The following RBPJ variants were observed in gnomAD, a reference collection of about 807,000 sequenced individuals.
The protein encoded by RBPJ is recombining binding protein suppressor of hairless.
In RBPJ, 9 loss-of-function variants were observed where a neutral mutation model predicts 67.8. That is an observed-to-expected ratio of 0.13 (90% confidence interval 0.08 to 0.23). The LOEUF is 0.23. RBPJ is among the 10% of genes least tolerant of loss of function. RBPJ has a pLI of 1.00. For synonymous variants in RBPJ, 198 were observed against 203.3 expected, an observed-to-expected ratio of 0.97 and a Z score of 0.22; for missense variants, 305 against 595.6, an observed-to-expected ratio of 0.51 and a Z score of 5.08.
chr4:26,274,764 C>T (rs116679880), intron 1 of RBPJ, among the ~76,000 whole-genome samples: 1,617 of 152,204 alleles, frequency 0.011, 28 homozygotes, highest in African/African-American at 0.037. Context: ...GGCAAAACCT[C>T]GTCTATCGAA....
At chr4:26,299,412 A>G (rs1721994925) in intron 1 of RBPJ, among the ~76,000 whole-genome samples, 1 of 152,116 alleles carries the variant, frequency 6.6e-6, no homozygotes, top group Non-Finnish European at 1.5e-5. Flanking sequence ...GCCCTTAAGT[A>G]ATTGAGTATA....
intron 1 of RBPJ, among the ~76,000 whole-genome samples, chr4:26,260,951 G>T (rs1720509987): frequency 6.6e-6 from 1 of 152,030 alleles, no homozygotes; most frequent in African/African-American, 2.4e-5. Flanking sequence ...GTTTTTACTT[G>T]TTTATGGTAA....
chr4:26,135,897 G>A, the RBPJ span, among the ~76,000 whole-genome samples: 1 of 152,122 alleles, frequency 6.6e-6, no homozygotes, highest in Non-Finnish European at 1.5e-5. Context: ...GTATTAGTCT[G>A]TTCTTACGCT....
chr4:26,417,762 A>T (rs1378868003), intron 4 of RBPJ, among the ~76,000 whole-genome samples: 1 of 152,230 alleles, frequency 6.6e-6, no homozygotes, highest in Non-Finnish European at 1.5e-5. Flanking sequence ...TGTCTGCCTC[A>T]CTTAAACTCC....
intron 4 of RBPJ, among the ~76,000 whole-genome samples, chr4:26,416,897 GT>G (rs1476052917): frequency 2.0e-5 from 3 of 152,148 alleles, no homozygotes; most frequent in Non-Finnish European, 4.4e-5. Context: ...GTTTTTGTAA[GT>G]AAGATTTGTT....
chr4:26,242,248 C>A (rs1719664001), intron 1 of RBPJ, among the ~76,000 whole-genome samples: 1 of 151,904 alleles, frequency 6.6e-6, no homozygotes, highest in African/African-American at 2.4e-5. Context: ...GAGATCGAGA[C>A]CATCCTGGCT....
the RBPJ span, among the ~76,000 whole-genome samples, chr4:26,114,497 ATG>A: frequency 7.1e-6 from 1 of 140,036 alleles, no homozygotes; most frequent in African/African-American, 2.8e-5. Context: ...ATATATATAT[ATG>A]TATGTGTGTG....
intron 1 of RBPJ, among the ~76,000 whole-genome samples, chr4:26,358,231 C>A (rs567858162): frequency 6.6e-6 from 1 of 151,928 alleles, no homozygotes; most frequent in East Asian, 1.9e-4. Context: ...TATATCATGA[C>A]CATTGGAAAA....
At chr4:26,180,663 A>C (rs539291597) in intron 1 of RBPJ, among the ~76,000 whole-genome samples, 3 of 152,190 alleles carry the variant, frequency 2.0e-5, no homozygotes, top group African/African-American at 7.2e-5. Context: ...TCATCTCCCA[A>C]TACCTTGGAG....
At chr4:26,140,009 C>T in the RBPJ span, among the ~76,000 whole-genome samples, 1 of 152,156 alleles carries the variant, frequency 6.6e-6, no homozygotes, top group Non-Finnish European at 1.5e-5. Context: ...GAACCCAGCC[C>T]CACTACACCC....
chr4:26,109,201 A>G, the RBPJ span, among the ~76,000 whole-genome samples: 1 of 145,436 alleles, frequency 6.9e-6, no homozygotes, highest in African/African-American at 2.5e-5. Flanking sequence ...TCCACTTTCC[A>G]GGTTGAAATG....
chr4:26,287,030 G>T (rs1207979658), intron 1 of RBPJ, among the ~76,000 whole-genome samples: 1 of 152,028 alleles, frequency 6.6e-6, no homozygotes, highest in Non-Finnish European at 1.5e-5. Context: ...CAGGTGATCC[G>T]CCCACCTCGG....
At chr4:26,411,380 A>G (rs1179979568) in intron 3 of RBPJ, among the ~76,000 whole-genome samples, 1 of 148,588 alleles carries the variant, frequency 6.7e-6, no homozygotes, top group African/African-American at 2.5e-5. Flanking sequence ...TTTTTTGTAT[A>G]TATGCTGACT....
intron 1 of RBPJ, among the ~76,000 whole-genome samples, chr4:26,181,080 C>T (rs1000314583): frequency 2.0e-5 from 3 of 152,174 alleles, no homozygotes; most frequent in African/African-American, 7.2e-5. Flanking sequence ...TGAGGCCTCC[C>T]CAGCCACGTG....
chr4:26,371,531 A>AT (rs5856941), intron 1 of RBPJ, among the ~76,000 whole-genome samples: 106,008 of 151,642 alleles, frequency 0.7, 37,342 homozygotes, highest in East Asian at 0.84. Context: ...ACTAGTTGGC[A>AT]TTTTTTTTTC....
At chr4:26,213,604 C>CG (rs1718515171) in intron 1 of RBPJ, among the ~76,000 whole-genome samples, 1 of 151,966 alleles carries the variant, frequency 6.6e-6, no homozygotes, top group African/African-American at 2.4e-5. Context: ...GAAAGGTAGG[C>CG]GGGGGCTAGA....
chr4:26,267,617 T>G, intron 1 of RBPJ, among the ~76,000 whole-genome samples: 1 of 151,800 alleles, frequency 6.6e-6, no homozygotes, highest in Non-Finnish European at 1.5e-5. Context: ...ATTTATTTAT[T>G]TATTTATTTT....
intron 1 of RBPJ, among the ~76,000 whole-genome samples, chr4:26,270,720 G>A (rs1358697626): frequency 6.6e-6 from 1 of 152,092 alleles, no homozygotes; most frequent in African/African-American, 2.4e-5. Context: ...TTTTGGAAGG[G>A]GAGGGAGAAC....
chr4:26,128,421 C>G, the RBPJ span, among the ~76,000 whole-genome samples: 2 of 152,170 alleles, frequency 1.3e-5, no homozygotes, highest in Non-Finnish European at 2.9e-5. Context: ...TGAGCACTTT[C>G]TATGTGCCAA....
Sources: gnomAD v4.1 joint callset for allele counts (sites outside exome capture counted in the v4.1 genomes callset) on GRCh38, gnomAD v4.1.1 for gene constraint, MANE v1.5 for transcripts, NCBI Gene and HGNC (gene_info 2026-07-23, HGNC 2026-07-21) for gene names.